Variants in SNRPG observed in about 807,000 individuals in gnomAD.
SNRPG encodes the protein small nuclear ribonucleoprotein G.
Under a neutral mutation model 13.9 loss-of-function variants are expected in SNRPG, and 3 were observed. The ratio of observed to expected loss-of-function variants is 0.22; its 90% confidence interval spans 0.10 to 0.56. SNRPG has a LOEUF of 0.56. SNRPG is among the 20% of genes least tolerant of loss of function. SNRPG has a pLI of 0.93. For missense variants in SNRPG, 34 were observed against 96.1 expected (o/e 0.35, Z 2.70); for synonymous variants, 29 against 29.3 (o/e 0.99, Z 0.03).
intron 3 of SNRPG, among the ~76,000 whole-genome samples, chr2:70,283,719 C>G (rs144824517): frequency 1.7e-4 from 26 of 152,278 alleles, no homozygotes; most frequent in African/African-American, 5.8e-4. Context: ...TGGAACCTGG[C>G]AGCCAATTAT....
chr2:70,291,828 G>T (rs1697104887), intron 1 of SNRPG, among the ~76,000 whole-genome samples: 1 of 145,582 alleles, frequency 6.9e-6, no homozygotes, highest in Admixed American at 6.9e-5. Context: ...TGGTCTTTTT[G>T]TTAAAAAAAA....
chr2:70,289,530 A>G (rs1395155388), intron 1 of SNRPG, among the ~76,000 whole-genome samples, 158 bp from the exon 2 acceptor site: 1 of 152,186 alleles, frequency 6.6e-6, no homozygotes. Flanking sequence ...AGAGTGAGGG[A>G]GTAGGGCGAG....
In SNRPG at chr2:70,287,451, T is replaced by A; in HGVS notation, c.180+617A>T. ...ATCACTAAAACTACGGCCCAATGAA[T>A]GTAGGAATGTTTAATCCTATGAGGG... On this transcript the variant is annotated intron_variant, in intron 3 of 3. Transcript: ENST00000272348. 4.7e-6 allele frequency: 3 copies of A among 639,312 alleles called. No homozygotes were observed. In the South Asian group the frequency reaches 5.1e-5, roughly 11 times the overall value. 39.6% of individuals were successfully genotyped at this position (639,312 alleles called of 1,614,324 possible).
Position 70,287,129 on chromosome 2 carries a change from AAC to A in SNRPG, c.180+937_180+938del, listed in dbSNP as rs1696960853. The A allele has an allele frequency of 2.4e-5, 14 of 586,418 alleles. No individual in the cohort carries two copies. In the South Asian group the frequency reaches 2.6e-4, roughly 11 times the overall value. The allele number at this position is 586,418 out of a possible 1,614,324, so 36.3% of individuals were successfully genotyped here. A position where few individuals can be genotyped will look rare whatever the true frequency, so the allele number is the denominator to read the frequency against. On this transcript the variant is annotated intron_variant, in intron 3 of 3. Coordinates refer to ENST00000272348, the MANE Select transcript of SNRPG (RefSeq NM_003096.4). ...TGAAAAAGTATCTGAAATAAGTAAT[AAC>A]ACAAACCTTGGAAAGAATGGTATGT...
At chr2:70,290,823 TAAAAAAAAAAAAAAAAA>T (rs57720967) in intron 1 of SNRPG, among the ~76,000 whole-genome samples, 28 of 25,284 alleles carry the variant, frequency 1.1e-3, no homozygotes, top group East Asian at 7.0e-3. Flanking sequence ...CCGTCTCTAC[TAAAAAAAAAAAAAAAAA>T]AAAAAAAAAA....
chr2:70,283,407 G>T (rs992251262), intron 3 of SNRPG, among the ~76,000 whole-genome samples: 2 of 152,084 alleles, frequency 1.3e-5, no homozygotes, highest in Admixed American at 6.6e-5. Flanking sequence ...AGAAATGGAG[G>T]CATTCCAAAA....
intron 1 of SNRPG, among the ~76,000 whole-genome samples, 166 bp from the exon 2 acceptor site, chr2:70,289,538 G>A (rs1444219927): frequency 1.3e-5 from 2 of 152,314 alleles, no homozygotes; most frequent in Non-Finnish European, 2.9e-5. Flanking sequence ...GGAGTAGGGC[G>A]AGGTAGCTCA....
chr2:70,283,122 A>AAAAAAAAAAAAAAAAAAAAAAAAAAC lies in SNRPG; in HGVS notation c.181-1439_181-1438insGTTTTTTTTTTTTTTTTTTTTTTTTT, dbSNP rs1241967786. Among the ~76,000 whole-genome samples, 22 of 82,956 alleles carry AAAAAAAAAAAAAAAAAAAAAAAAAAC rather than the reference A, an allele frequency of 2.7e-4. 3 individuals are homozygous for AAAAAAAAAAAAAAAAAAAAAAAAAAC. Among genetic ancestry groups the AAAAAAAAAAAAAAAAAAAAAAAAAAC allele is most frequent in the Non-Finnish European group, 3.5e-4 (14 of 39,756 alleles). The allele number at this position is 82,956 out of a possible 152,430, so 54.4% of individuals were successfully genotyped here. A position where few individuals can be genotyped will look rare whatever the true frequency, so the allele number is the denominator to read the frequency against. On this transcript the variant is annotated intron_variant, in intron 3 of 3. Transcript: ENST00000272348. Reference sequence around the variant, plus strand: ...AAAAAAAAAAAAAAAAAAAAAAAAAAAACAACAAACCAAAACCAAAACAAA... The same window carrying AAAAAAAAAAAAAAAAAAAAAAAAAAC: ...AAAAAAAAAAAAAAAAAAAAAAAAAAAAAAAAAAAAAAAAAAAAAAAAAAACAACAACAAACCAAAACCAAAACAAA...
At chr2:70,292,377 C>G (rs193287224) in intron 1 of SNRPG, among the ~76,000 whole-genome samples, 1 of 150,794 alleles carries the variant, frequency 6.6e-6, no homozygotes, top group African/African-American at 2.4e-5. Flanking sequence ...AACAGAGTTT[C>G]GGTCTTGTTA....
At chr2:70,282,208 G>A (rs1696807255) in intron 3 of SNRPG, among the ~76,000 whole-genome samples, 1 of 151,974 alleles carries the variant, frequency 6.6e-6, no homozygotes, top group Non-Finnish European at 1.5e-5. Flanking sequence ...GAGCTACTAC[G>A]CCTGGCCCTA....
intron 3 of SNRPG, 29 bp from the exon 4 acceptor site, chr2:70,281,713 GAAC>G (rs758323342): frequency 2.5e-5 from 31 of 1,226,450 alleles, no homozygotes; most frequent in Middle Eastern, 1.9e-4. Context: ...AATTTGAAAA[GAAC>G]AACTCAGGTA....
chr2:70,288,858 A>AAATT (rs34486939), intron 2 of SNRPG, among the ~76,000 whole-genome samples: 83,857 of 151,786 alleles, frequency 0.55, 24,901 homozygotes, highest in Middle Eastern at 0.74. Context: ...AAGTGCTGTT[A>AAATT]AATTAATTAT....
intron 1 of SNRPG, chr2:70,291,416 A>G (rs1697093394): frequency 6.6e-6 from 1 of 152,272 alleles, no homozygotes; most frequent in Non-Finnish European, 1.5e-5. Flanking sequence ...AGTGGAAGGA[A>G]GAATTCAGTT....
At chr2:70,283,096 CAAAA>C (rs57862220) in intron 3 of SNRPG, among the ~76,000 whole-genome samples, 30 of 14,044 alleles carry the variant, frequency 2.1e-3, no homozygotes, top group South Asian at 0.015. Flanking sequence ...TGTCTTTTGT[CAAAA>C]AAAAAAAAAA....
At chr2:70,289,700 A>G (rs1452863613) in intron 1 of SNRPG, among the ~76,000 whole-genome samples, 1 of 152,120 alleles carries the variant, frequency 6.6e-6, no homozygotes, top group Non-Finnish European at 1.5e-5. Flanking sequence ...GGTTCCAGCT[A>G]CTTGGGAGGC....
At chr2:70,288,572 T>C (rs987634026) in intron 2 of SNRPG, among the ~76,000 whole-genome samples, 1 of 152,130 alleles carries the variant, frequency 6.6e-6, no homozygotes, top group Admixed American at 6.5e-5. Flanking sequence ...TTTAAGTAAC[T>C]GGGTTCATGG....
chr2:70,292,129 A>T (rs1311924810), intron 1 of SNRPG, among the ~76,000 whole-genome samples: 1 of 151,696 alleles, frequency 6.6e-6, no homozygotes, highest in Non-Finnish European at 1.5e-5. Context: ...TTGTATTTTT[A>T]TAGACACGGG....
At chr2:70,287,413 C>G in intron 3 of SNRPG, 1 of 692,852 alleles carries the variant, frequency 1.4e-6, no homozygotes, top group Non-Finnish European at 2.6e-6. Flanking sequence ...GGTATCAAAA[C>G]TCTTCTTCAG....
intron 2 of SNRPG, among the ~76,000 whole-genome samples, chr2:70,288,767 G>A (rs1328797722): frequency 6.6e-6 from 1 of 152,162 alleles, no homozygotes; most frequent in East Asian, 1.9e-4. Context: ...TAAGTCCTTT[G>A]TAGCTTGTTT....
Sources: gnomAD v4.1 joint callset for allele counts (sites outside exome capture counted in the v4.1 genomes callset) on GRCh38, gnomAD v4.1.1 for gene constraint, MANE v1.5 for transcripts, NCBI Gene and HGNC (gene_info 2026-07-23, HGNC 2026-07-21) for gene names.